MGAT5B: variants seen among roughly 807,000 people sequenced by gnomAD.
MGAT5B encodes the protein N-acetylglucosaminyl-transferase Vb.
MGAT5B carries 54 observed loss-of-function variants against 95.1 expected under a neutral mutation model. That is an observed-to-expected ratio of 0.57 (90% CI 0.46 to 0.71). The LOEUF (loss-of-function observed/expected upper bound fraction) is 0.71. Ranked by LOEUF, MGAT5B falls within the 30% of genes least tolerant of loss-of-function variation. MGAT5B has a pLI of 0.00. For missense variants in MGAT5B, 935 were observed against 1,088.6 expected (o/e 0.86, Z 1.99); for synonymous variants, 464 against 451.0 (o/e 1.03, Z -0.36).
At chr17:76,921,126 C>T (rs562723246) in intron 8 of MGAT5B, among the ~76,000 whole-genome samples, 10 of 152,192 alleles carry the variant, frequency 6.6e-5, no homozygotes, top group East Asian at 1.9e-4. Context: ...GAGTTAAGCA[C>T]GTGGAGGTGA....
intron 15 of MGAT5B, among the ~76,000 whole-genome samples, chr17:76,944,730 GC>G (rs1969981588): frequency 6.6e-6 from 1 of 152,238 alleles, no homozygotes; most frequent in South Asian, 2.1e-4. Context: ...ATCAGTGACT[GC>G]CGCTTCCCTG....
chr17:76,948,410 G>T (rs1282102118), intron 17 of MGAT5B, among the ~76,000 whole-genome samples: 1 of 152,170 alleles, frequency 6.6e-6, no homozygotes, highest in Non-Finnish European at 1.5e-5. Flanking sequence ...CCTCCTACTG[G>T]GTCTGCCTGG....
At position 76,914,830 on chromosome 17, in the gene MGAT5B, G is replaced by T. The variant is rs1247766883; in HGVS notation, c.1025+8643G>T. On this transcript the variant is annotated intron_variant, in intron 8 of 17. Transcript: ENST00000569840. The surrounding 1 kb of genome is among the most constrained non-coding windows in gnomAD (Gnocchi z 5.1). ...TTTTTGTATTTTTAGTAGAGACAGGGTTTCACCATGTGGGCCAGGCTGGTC... is the reference window on the plus strand; with the variant it reads ...TTTTTGTATTTTTAGTAGAGACAGGTTTTCACCATGTGGGCCAGGCTGGTC... 1.3e-5 allele frequency among the ~76,000 whole-genome samples: 2 copies of T among 152,122 alleles called. No individual in the cohort carries two copies. Among genetic ancestry groups the T allele is most frequent in the Non-Finnish European group, 2.9e-5 (2 of 68,026 alleles).
Position 76,940,716 on chromosome 17 carries a change from T to A in MGAT5B, c.1732-16T>A. The stretch of plus-strand genomic sequence containing the variant: ...GCAGGCACGGGGGGCATCTGCAATC[T>A]CTGTACCCTTGCCAGGTGTTCTCCC... On this transcript the variant is annotated splice_polypyrimidine_tract_variant and intron_variant, in intron 14 of 17. Coordinates refer to ENST00000569840, the MANE Select transcript of MGAT5B (RefSeq NM_001199172.2). The surrounding 1 kb of genome is among the most constrained non-coding windows in gnomAD (Gnocchi z 4.3). The A allele has an allele frequency of 6.2e-7, 1 of 1,613,498 alleles. No homozygotes were observed. The highest frequency in any genetic ancestry group is 8.5e-7 in the Non-Finnish European group (1 of 1,179,576).
chr17:76,932,877 C>A, intron 11 of MGAT5B, 102 bp downstream of exon 11: 1 of 1,484,312 alleles, frequency 6.7e-7, no homozygotes, highest in South Asian at 1.3e-5. Flanking sequence ...CCTCCTCCCG[C>A]CCCAGCCCTG....
Position 76,936,746 on chromosome 17 carries a change from C to T in MGAT5B, c.1429-1242C>T, listed in dbSNP as rs867127103. On this transcript the variant is annotated intron_variant, in intron 12 of 17. Transcript: ENST00000569840. ...TGCACCTTTGTCGAAAATCAGTTGA[C>T]CACACTGTGTGTGGGTCTATTTCTG... 5.3e-5 allele frequency among the ~76,000 whole-genome samples: 8 copies of T among 152,324 alleles called. No individual in the cohort carries two copies. The South Asian group carries it at 1.7e-3, about 32-fold the overall frequency.
intron 3 of MGAT5B, among the ~76,000 whole-genome samples, chr17:76,886,302 G>A (rs900117889): frequency 2.6e-5 from 4 of 152,224 alleles, no homozygotes; most frequent in East Asian, 1.9e-4. Context: ...CTGCATGCCC[G>A]GTGCCCAGCC....
intron 15 of MGAT5B, among the ~76,000 whole-genome samples, chr17:76,945,899 G>A (rs2145289911): frequency 6.6e-6 from 1 of 152,308 alleles, no homozygotes; most frequent in South Asian, 2.1e-4. Context: ...CGAATACACA[G>A]GAGACAATAA....
chr17:76,872,225 C>G (rs1003950802), intron 1 of MGAT5B, among the ~76,000 whole-genome samples: 2 of 152,070 alleles, frequency 1.3e-5, no homozygotes, highest in Non-Finnish European at 2.9e-5. Flanking sequence ...TGGCTCTGCC[C>G]TGGACATCTT....
chr17:76,909,593 G>T (rs1018583486), intron 8 of MGAT5B, among the ~76,000 whole-genome samples: 3 of 152,210 alleles, frequency 2.0e-5, no homozygotes, highest in Admixed American at 1.3e-4. Flanking sequence ...GGCAATCTTA[G>T]GTCACTAGGG....
intron 3 of MGAT5B, among the ~76,000 whole-genome samples, chr17:76,891,770 C>T (rs907759459): frequency 1.3e-5 from 2 of 152,320 alleles, no homozygotes; most frequent in Non-Finnish European, 1.5e-5. Flanking sequence ...ATTGCTTACT[C>T]CTTCACGCAG....
chr17:76,878,664 G>A (rs1967287526), intron 2 of MGAT5B, among the ~76,000 whole-genome samples: 1 of 151,844 alleles, frequency 6.6e-6, no homozygotes, highest in African/African-American at 2.4e-5. Context: ...TTATTGAAAA[G>A]GGGTTTTGCC....
chr17:76,931,867 G>A (rs936508546), intron 10 of MGAT5B, among the ~76,000 whole-genome samples: 3 of 152,160 alleles, frequency 2.0e-5, no homozygotes, highest in East Asian at 1.9e-4. Flanking sequence ...GGTGGAGGGC[G>A]AAAAGATGGG....
In MGAT5B at chr17:76,917,758, G is replaced by C. The variant is rs1205498587; in HGVS notation, c.1026-7208G>C. 1.3e-5 allele frequency among the ~76,000 whole-genome samples: 2 copies of C among 152,136 alleles called. No homozygotes were observed. Among genetic ancestry groups the C allele is most frequent in the Non-Finnish European group, 2.9e-5 (2 of 68,036 alleles). ...ACCGGATAGAATAGCAAGAGCCCCT[G>C]GCACACAGGAGTCACCCGAGGAGCT... On this transcript the variant is annotated intron_variant, in intron 8 of 17. Coordinates refer to ENST00000569840, the MANE Select transcript of MGAT5B (RefSeq NM_001199172.2). The surrounding 1 kb of genome is among the most constrained non-coding windows in gnomAD (Gnocchi z 6.1).
At position 76,948,635 on chromosome 17, in the gene MGAT5B, G is replaced by A. The variant is rs1970110715; in HGVS notation, c.2181-5G>A. On this transcript the variant is annotated splice_region_variant and splice_polypyrimidine_tract_variant and intron_variant, in intron 17 of 17. Coordinates refer to ENST00000569840, the MANE Select transcript of MGAT5B (RefSeq NM_001199172.2). ...TGAGTGACGGTGCTGTGTGGTCCCTGCCAGGCTGCAGGTGCCCTGTGACAG... is the reference window on the plus strand; with the variant it reads ...TGAGTGACGGTGCTGTGTGGTCCCTACCAGGCTGCAGGTGCCCTGTGACAG... The A allele has an allele frequency of 1.9e-6, 3 of 1,609,366 alleles. No homozygotes were observed. In the South Asian group the frequency reaches 3.3e-5, roughly 18 times the overall value.
intron 8 of MGAT5B, chr17:76,923,805 G>A (rs1969201094): frequency 6.6e-6 from 1 of 152,230 alleles, no homozygotes; most frequent in African/African-American, 2.4e-5. Context: ...GAATTATCCT[G>A]AGGACCCAGT....
intron 3 of MGAT5B, among the ~76,000 whole-genome samples, chr17:76,901,402 TA>T (rs57832999): frequency 2.4e-3 from 346 of 143,280 alleles, no homozygotes; most frequent in South Asian, 0.013. Context: ...ATTAATGTGT[TA>T]AAAAAAAAAA....
chr17:76,879,407 C>T (rs1026960924), intron 2 of MGAT5B, among the ~76,000 whole-genome samples: 9 of 152,180 alleles, frequency 5.9e-5, no homozygotes, highest in Non-Finnish European at 1.2e-4. Flanking sequence ...GCTCTGGCCA[C>T]GGCACCGCTA....
chr17:76,873,999 T>C (rs189768056), intron 2 of MGAT5B, among the ~76,000 whole-genome samples: 1 of 152,354 alleles, frequency 6.6e-6, no homozygotes, highest in East Asian at 1.9e-4. Flanking sequence ...GCTCTTATTA[T>C]GCCATCTGTC....
Sources: gnomAD v4.1 joint callset for allele counts (sites outside exome capture counted in the v4.1 genomes callset) on GRCh38, gnomAD v4.1.1 for gene constraint, Gnocchi (gnomAD v3.1) non-coding constraint, MANE v1.5 for transcripts, NCBI Gene and HGNC (gene_info 2026-07-23, HGNC 2026-07-21) for gene names.